Variants in PXT1 observed in about 807,000 individuals in gnomAD.
The protein encoded by PXT1 is peroxisomal testis-specific protein 1.
Under a neutral mutation model 11.0 loss-of-function variants are expected in PXT1, and 11 were observed. That is an observed-to-expected ratio of 1.00 (90% CI 0.63 to 1.66). The LOEUF is 1.66. PXT1 is among the 40% of genes most tolerant of loss of function. The pLI is 0.00. For missense variants in PXT1, 141 were observed against 155.5 expected (o/e 0.91, Z 0.49); for synonymous variants, 43 against 51.4 (o/e 0.84, Z 0.70).
chr6:36,431,246 T>C (rs1215159259), intron 2 of PXT1, among the ~76,000 whole-genome samples: 3 of 152,220 alleles, frequency 2.0e-5, no homozygotes, highest in Admixed American at 1.3e-4. Flanking sequence ...AATGCTGAAC[T>C]CTAAATAATT....
intron 2 of PXT1, among the ~76,000 whole-genome samples, chr6:36,429,149 C>T (rs1435012704): frequency 6.9e-6 from 1 of 145,616 alleles, no homozygotes; most frequent in African/African-American, 2.6e-5. Context: ...ACCTGTAATC[C>T]CAGCTACTCA....
chr6:36,412,154 C>T (rs966642061), intron 3 of PXT1, among the ~76,000 whole-genome samples: 3 of 151,462 alleles, frequency 2.0e-5, no homozygotes, highest in Non-Finnish European at 4.4e-5. Context: ...GAGTTCAAGA[C>T]CAGCCTGGCC....
chr6:36,409,864 G>GAAAGA (rs1194636565), intron 3 of PXT1, among the ~76,000 whole-genome samples: 1 of 39,856 alleles, frequency 2.5e-5, no homozygotes, highest in Non-Finnish European at 5.3e-5. Flanking sequence ...GAAGGAAGGA[G>GAAAGA]AAAGAAAAGA....
At chr6:36,429,141 C>G (rs1168830799) in intron 2 of PXT1, among the ~76,000 whole-genome samples, 4 of 146,266 alleles carry the variant, frequency 2.7e-5, no homozygotes, top group Non-Finnish European at 6.0e-5. Flanking sequence ...TTGCGCACAC[C>G]TGTAATCCCA....
intron 3 of PXT1, among the ~76,000 whole-genome samples, chr6:36,416,345 A>T (rs1344126048): frequency 1.3e-5 from 2 of 152,044 alleles, no homozygotes; most frequent in Non-Finnish European, 2.9e-5. Flanking sequence ...AAAGACCCAG[A>T]CCCTATCTCT....
chr6:36,419,124 A>G (rs1774490103), intron 3 of PXT1, among the ~76,000 whole-genome samples: 1 of 152,178 alleles, frequency 6.6e-6, no homozygotes, highest in African/African-American at 2.4e-5. Context: ...GTTGACAATC[A>G]CCTGAAAAAA....
intron 3 of PXT1, among the ~76,000 whole-genome samples, chr6:36,404,956 C>T (rs1774267454): frequency 6.6e-6 from 1 of 151,768 alleles, no homozygotes; most frequent in Admixed American, 6.6e-5. Context: ...GACTCTGGCT[C>T]CAAAAAAAAG....
In PXT1 at chr6:36,391,060, C is replaced by G. The variant is rs1209640217; in HGVS notation, c.*710G>C. The G allele has an allele frequency of 6.6e-6, 1 of 152,240 alleles. No individual in the cohort carries two copies. The highest frequency in any genetic ancestry group is 2.4e-5 in the African/African-American group (1 of 41,354). The allele number at this position is 152,240 out of a possible 1,614,324, so 9.4% of individuals were successfully genotyped here. A position where few individuals can be genotyped will look rare whatever the true frequency, so the allele number is the denominator to read the frequency against. ...GTGAAGGAAGACTTGAAGGGGGTCA[C>G]AGAGGAGTGAGGGGATCAAAGGTGA... On this transcript the variant is annotated 3_prime_UTR_variant, in exon 5 of 5. Coordinates refer to ENST00000454782, the MANE Select transcript of PXT1 (RefSeq NM_152990.4).
At chr6:36,399,394 G>A (rs777223852) in intron 4 of PXT1, among the ~76,000 whole-genome samples, 11 of 152,242 alleles carry the variant, frequency 7.2e-5, no homozygotes, top group Non-Finnish European at 1.6e-4. Flanking sequence ...TGATCTGCCC[G>A]CCTTGGCCTC....
At position 36,391,787 on chromosome 6, in the gene PXT1, T is replaced by C. The variant is rs1381887571; in HGVS notation, c.388A>G (p.Asn130Asp). Residue 130 changes from asparagine (N) to aspartate (D), a missense_variant, in exon 5 of 5, where the codon AAC becomes GAC. Transcript: ENST00000454782. ...RVQVLLHFFW[N>D]NHLL Reference sequence around the variant, plus strand: ...CTTTCCTTTTACAGCAAATGGTTGTTCCAGAAAAAATGCAGCAACACCTGA... The same window carrying C: ...CTTTCCTTTTACAGCAAATGGTTGTCCCAGAAAAAATGCAGCAACACCTGA... 6.2e-7 allele frequency: 1 copy of C among 1,612,422 alleles called. No individual in the cohort carries two copies. The highest frequency in any genetic ancestry group is 2.2e-5 in the East Asian group (1 of 44,878).
At chr6:36,410,555 A>G (rs1319581220) in intron 3 of PXT1, among the ~76,000 whole-genome samples, 3 of 152,058 alleles carry the variant, frequency 2.0e-5, no homozygotes, top group African/African-American at 7.2e-5. Flanking sequence ...ACAAACAGAA[A>G]GAAAAGGAAG....
At position 36,405,934 on chromosome 6, in the gene PXT1, A is replaced by G. The variant is rs548133428; in HGVS notation, c.170-5350T>C. ...GTCTAGCCTAGGTGTGTAGTAGGCT[A>G]TACTATCTGGGTTTGTGTAAGTGCA... On this transcript the variant is annotated intron_variant, in intron 3 of 4. Transcript: ENST00000454782. Among the ~76,000 whole-genome samples, 76 of 152,340 alleles carry G rather than the reference A, an allele frequency of 5.0e-4. 1 individual carries two copies. The highest frequency in any genetic ancestry group is 7.1e-4 in the Non-Finnish European group (48 of 68,026).
intron 1 of PXT1, among the ~76,000 whole-genome samples, chr6:36,441,809 T>G (rs760142508): frequency 1.3e-5 from 2 of 152,272 alleles, no homozygotes; most frequent in East Asian, 3.9e-4. Flanking sequence ...AAAATTAAAT[T>G]TTTTGACCCT....
At chr6:36,407,755 A>G (rs189714790) in intron 3 of PXT1, among the ~76,000 whole-genome samples, 5 of 152,222 alleles carry the variant, frequency 3.3e-5, no homozygotes, top group African/African-American at 1.2e-4. Context: ...GGTATAGCCT[A>G]TTGCTCCTAG....
At chr6:36,422,676 G>A (rs961816859) in intron 3 of PXT1, among the ~76,000 whole-genome samples, 1 of 152,098 alleles carries the variant, frequency 6.6e-6, no homozygotes, top group Non-Finnish European at 1.5e-5. Context: ...TATATCTAGA[G>A]GAGGAAGGGT....
intron 3 of PXT1, among the ~76,000 whole-genome samples, chr6:36,410,159 G>A (rs1205190144): frequency 6.6e-6 from 1 of 150,942 alleles, no homozygotes; most frequent in Admixed American, 6.6e-5. Context: ...GAGAGAGAGA[G>A]AGAGAGAAAG....
chr6:36,419,204 A>G lies in PXT1; in HGVS notation c.169+6710T>C, dbSNP rs1456540324. Reference sequence around the variant, plus strand: ...GTGCCCAGACAGGAATCAAATGGGAAGACTGAACAAATTTCACCTACTTCC... The same window carrying G: ...GTGCCCAGACAGGAATCAAATGGGAGGACTGAACAAATTTCACCTACTTCC... On this transcript the variant is annotated intron_variant, in intron 3 of 4. Transcript: ENST00000454782. Among the ~76,000 whole-genome samples the G allele has an allele frequency of 3.9e-5, 6 of 152,222 alleles. No individual in the cohort carries two copies. In the East Asian group the frequency reaches 1.2e-3, roughly 29 times the overall value.
At chr6:36,426,681 C>T (rs1774613056) in intron 2 of PXT1, among the ~76,000 whole-genome samples, 1 of 152,084 alleles carries the variant, frequency 6.6e-6, no homozygotes, top group African/African-American at 2.4e-5. Flanking sequence ...CTTCTCTTTT[C>T]AAGAGCCACA....
At chr6:36,400,879 A>G (rs1314312707) in intron 3 of PXT1, among the ~76,000 whole-genome samples, 2 of 152,124 alleles carry the variant, frequency 1.3e-5, no homozygotes, top group African/African-American at 2.4e-5. Context: ...CTGAGGCAGG[A>G]GAATCACCTG....
Sources: allele counts gnomAD v4.1 joint callset (sites outside exome capture counted in the v4.1 genomes callset), GRCh38; gene constraint gnomAD v4.1.1; transcripts MANE v1.5; gene names NCBI Gene and HGNC (gene_info 2026-07-23, HGNC 2026-07-21).